ANO1: variants seen among roughly 807,000 people sequenced by gnomAD.
ANO1 encodes the protein anoctamin-1.
ANO1 carries 59 observed loss-of-function variants against 124.0 expected under a neutral mutation model. The observed-to-expected ratio is 0.48, with a 90% confidence interval of 0.39 to 0.59. The LOEUF is 0.59. Ranked by LOEUF, ANO1 falls within the 20% of genes least tolerant of loss-of-function variation. ANO1 has a pLI of 0.00. For missense variants in ANO1, 1,059 were observed against 1,328.0 expected (o/e 0.80, Z 3.15); for synonymous variants, 529 against 532.0 (o/e 0.99, Z 0.08).
chr11:69,984,513 T>TG (rs1855992521), upstream of ANO1, among the ~76,000 whole-genome samples: 2 of 7,226 alleles, frequency 2.8e-4, no homozygotes, highest in African/African-American at 4.7e-4. Flanking sequence ...AGCGCTGAGG[T>TG]GGGGGCGGGG....
chr11:70,139,609 C>T (rs2047076155), intron 11 of ANO1, among the ~76,000 whole-genome samples: 2 of 152,222 alleles, frequency 1.3e-5, no homozygotes, highest in African/African-American at 4.8e-5. Flanking sequence ...CAGGTGTAAG[C>T]CACCACGCCC....
At chr11:70,094,128 G>A (rs2509154) in intron 2 of ANO1, among the ~76,000 whole-genome samples, 48,904 of 152,148 alleles carry the variant, frequency 0.32, 8,337 homozygotes, top group Admixed American at 0.42. Flanking sequence ...ACAGGCCTGG[G>A]GCAGAGCCCA....
At chr11:70,017,275 G>T (rs532495388) in intron 1 of ANO1, among the ~76,000 whole-genome samples, 38 of 152,272 alleles carry the variant, frequency 2.5e-4, no homozygotes, top group African/African-American at 8.9e-4. Context: ...CAACGGAACT[G>T]CAAAAAGTCT....
chr11:70,171,462 G>T (rs1295722748), intron 22 of ANO1, among the ~76,000 whole-genome samples: 1 of 152,154 alleles, frequency 6.6e-6, no homozygotes, highest in African/African-American at 2.4e-5. Flanking sequence ...GGCATGTCAT[G>T]GCATCATTTA....
intron 1 of ANO1, among the ~76,000 whole-genome samples, chr11:70,015,494 G>A (rs924132291): frequency 2.6e-5 from 4 of 152,190 alleles, no homozygotes; most frequent in South Asian, 4.1e-4. Flanking sequence ...AGCCCTGGGC[G>A]GGTGGGGCAG....
intron 1 of ANO1, among the ~76,000 whole-genome samples, chr11:70,071,742 A>G (rs1044532555): frequency 2.0e-5 from 3 of 152,080 alleles, no homozygotes; most frequent in Non-Finnish European, 2.9e-5. Context: ...TCCCACCTGA[A>G]TTTCCCAAGT....
chr11:70,175,537 C>A (rs2048659783), intron 22 of ANO1, among the ~76,000 whole-genome samples: 1 of 152,232 alleles, frequency 6.6e-6, no homozygotes, highest in South Asian at 2.1e-4. Context: ...TCCAGCGGGT[C>A]ACAGCAGGGA....
intron 22 of ANO1, among the ~76,000 whole-genome samples, chr11:70,174,690 G>T (rs1023285469): frequency 8.5e-5 from 13 of 152,140 alleles, no homozygotes; most frequent in Admixed American, 3.9e-4. Context: ...GGCCCAGGCG[G>T]TAACAGTGCC....
chr11:70,173,926 T>G (rs59821151), intron 22 of ANO1, among the ~76,000 whole-genome samples: 18,519 of 151,132 alleles, frequency 0.12, 1,207 homozygotes, highest in Middle Eastern at 0.17. Context: ...AAATTTTTGT[T>G]GTGGCAGTTT....
intron 22 of ANO1, among the ~76,000 whole-genome samples, chr11:70,172,985 T>C (rs2048533517): frequency 6.6e-6 from 1 of 152,164 alleles, no homozygotes; most frequent in Non-Finnish European, 1.5e-5. Flanking sequence ...ACGTGTTTTC[T>C]CCTTAAGTTG....
At chr11:70,122,855 G>A (rs1590795620) in intron 8 of ANO1, among the ~76,000 whole-genome samples, 1 of 152,162 alleles carries the variant, frequency 6.6e-6, no homozygotes, top group Non-Finnish European at 1.5e-5. Context: ...TTGACTCTAG[G>A]TGAGAGGAGG....
intron 10 of ANO1, 135 bp from the exon 11 acceptor site, chr11:70,131,784 C>T: frequency 1.9e-6 from 2 of 1,049,292 alleles, no homozygotes; most frequent in Non-Finnish European, 2.7e-6. Context: ...CTTATGTCCA[C>T]TATGGCATGG....
chr11:70,144,952 G>A lies in ANO1; in HGVS notation c.1259-4758G>A, dbSNP rs557807815. On this transcript the variant is annotated intron_variant, in intron 11 of 25. Coordinates refer to ENST00000355303, the MANE Select transcript of ANO1 (RefSeq NM_018043.7). ...GGGGCAGGATCCGAGGGGATCAGGCGTGGGAAAGCACCGTGTCCAGCGCCT... is the reference window on the plus strand; with the variant it reads ...GGGGCAGGATCCGAGGGGATCAGGCATGGGAAAGCACCGTGTCCAGCGCCT... Among the ~76,000 whole-genome samples, 41 of 152,318 alleles carry A rather than the reference G, an allele frequency of 2.7e-4. No individual in the cohort carries two copies. In the Middle Eastern group the frequency reaches 0.014, roughly 51 times the overall value.
At chr11:70,034,881 CA>C (rs1372688188) in intron 1 of ANO1, among the ~76,000 whole-genome samples, 1 of 152,016 alleles carries the variant, frequency 6.6e-6, no homozygotes, top group Non-Finnish European at 1.5e-5. Flanking sequence ...GAACAGAGCC[CA>C]GCAGGGACTC....
At chr11:70,091,802 T>C (rs540636900) in intron 2 of ANO1, among the ~76,000 whole-genome samples, 10 of 152,034 alleles carry the variant, frequency 6.6e-5, no homozygotes, top group South Asian at 4.2e-4. Context: ...CACACAGGAG[T>C]GAGCAACCCC....
chr11:70,160,892 G>A (rs2048015434), intron 16 of ANO1, among the ~76,000 whole-genome samples: 1 of 152,232 alleles, frequency 6.6e-6, no homozygotes, highest in South Asian at 2.1e-4. Context: ...CAGCTCCTGA[G>A]CTGGGTGACC....
intron 11 of ANO1, among the ~76,000 whole-genome samples, chr11:70,142,300 A>G (rs2047183545): frequency 1.3e-5 from 2 of 152,190 alleles, no homozygotes; most frequent in Non-Finnish European, 1.5e-5. Context: ...AACCCCTCCC[A>G]GGGGCTGGGC....
At chr11:70,029,045 G>T (rs1555003505) in intron 1 of ANO1, among the ~76,000 whole-genome samples, 1 of 152,172 alleles carries the variant, frequency 6.6e-6, no homozygotes, top group East Asian at 1.9e-4. Flanking sequence ...GCCTCCGAAA[G>T]TGCTGAGATT....
intron 5 of ANO1, 195 bp from the exon 6 acceptor site, chr11:70,108,158 C>G: frequency 1.9e-6 from 1 of 519,482 alleles, no homozygotes. Flanking sequence ...GAAGCTCAAG[C>G]CTTTGACAGT....
Sources: gnomAD v4.1 joint callset for allele counts (sites outside exome capture counted in the v4.1 genomes callset) on GRCh38, gnomAD v4.1.1 for gene constraint, MANE v1.5 for transcripts, NCBI Gene and HGNC (gene_info 2026-07-23, HGNC 2026-07-21) for gene names.